The following PCDHGB6 variants were observed in gnomAD, a reference collection of about 807,000 sequenced individuals.
PCDHGB6 encodes protocadherin gamma subfamily B, 6, also known as protocadherin gamma-B6.
Under a neutral mutation model 59.1 loss-of-function variants are expected in PCDHGB6, and 51 were observed. That is an observed-to-expected ratio of 0.86 (90% CI 0.69 to 1.09). The LOEUF (loss-of-function observed/expected upper bound fraction) is 1.09, where lower values mean the gene tolerates loss of function less well. PCDHGB6 is among the 50% of genes least tolerant of loss of function. PCDHGB6 has a pLI of 0.00. For missense variants in PCDHGB6, 1,148 were observed against 1,205.1 expected, an observed-to-expected ratio of 0.95 and a Z score of 0.70; for synonymous variants, 466 against 495.1, an observed-to-expected ratio of 0.94 and a Z score of 0.78.
intron 1 of PCDHGB6, chr5:141,478,463 G>A: frequency 6.2e-7 from 1 of 1,613,424 alleles, no homozygotes; most frequent in South Asian, 1.1e-5. Context: ...CAGTCCACTG[G>A]CCAGCCGCCA....
intron 1 of PCDHGB6, among the ~76,000 whole-genome samples, chr5:141,449,134 T>C (rs538592980): frequency 9.2e-4 from 140 of 152,242 alleles, no homozygotes; most frequent in Non-Finnish European, 1.8e-3. Context: ...AGAAATGGAA[T>C]TGAAATTGCT....
rs560197175 is a variant in PCDHGB6, at chr5:141,434,430, G to A, written c.2418+23810G>A. Among the ~76,000 whole-genome samples the A allele has an allele frequency of 2.4e-4, 36 of 152,326 alleles. 1 individual carries two copies. In the South Asian group the frequency reaches 6.4e-3, roughly 27 times the overall value. On this transcript the variant is annotated intron_variant, in intron 1 of 3. Coordinates refer to ENST00000520790, the MANE Select transcript of PCDHGB6 (RefSeq NM_018926.3). ...GCACTGTGACATGTTCATGATGGCC[G>A]TAATGCCCATGCTGGAAGGTAGTGG...
At chr5:141,452,003 T>C (rs1031228207) in intron 1 of PCDHGB6, among the ~76,000 whole-genome samples, 2 of 152,210 alleles carry the variant, frequency 1.3e-5, no homozygotes, top group Non-Finnish European at 2.9e-5. Context: ...CAAAATCACT[T>C]GGTCCAGCCC....
intron 1 of PCDHGB6, chr5:141,441,971 G>A: frequency 3.3e-6 from 1 of 298,820 alleles, no homozygotes; most frequent in Non-Finnish European, 6.5e-6. Flanking sequence ...AGGCTCTTCA[G>A]CCTGGAATGC....
At chr5:141,498,361 T>C (rs1256361883) in intron 2 of PCDHGB6, among the ~76,000 whole-genome samples, 1 of 151,460 alleles carries the variant, frequency 6.6e-6, no homozygotes, top group African/African-American at 2.4e-5. Flanking sequence ...GCAAAAGCCT[T>C]GTGGTGAGGC....
rs755091342 is a variant in PCDHGB6, at chr5:141,408,288, T to C, written c.86T>C (p.Leu29Pro). ...CTGCTGCCTTTGTTCTACCCCACCC[T>C]GAGTGAGCCGATCCGCTACTCGATT... Reference protein sequence around the residue: ...PLLLPLFYPTLSEPIRYSIPE... With the variant: ...PLLLPLFYPTPSEPIRYSIPE... Residue 29 changes from leucine to proline, a missense_variant, in exon 1 of 4, where the codon CTG (leucine) becomes CCG (proline). Transcript: ENST00000520790. 1 of 1,613,234 alleles carries C rather than the reference T, an allele frequency of 6.2e-7. No homozygotes were observed. Among genetic ancestry groups the C allele is most frequent in the Non-Finnish European group, 8.5e-7 (1 of 1,179,506 alleles).
In PCDHGB6 at chr5:141,432,293, G is replaced by T. The variant is rs765631138; in HGVS notation, c.2418+21673G>T. ...CTACGTGTCCATCAACTCCGACACT[G>T]GGGTACTGTATGCGCTGAGCTCCTT... On this transcript the variant is annotated intron_variant, in intron 1 of 3. Coordinates refer to ENST00000520790, the MANE Select transcript of PCDHGB6 (RefSeq NM_018926.3). The surrounding 1 kb of genome is among the most constrained non-coding windows in gnomAD (Gnocchi z 6.0). 1.2e-6 allele frequency: 2 copies of T among 1,614,136 alleles called. No individual in the cohort carries two copies. Among genetic ancestry groups the T allele is most frequent in the African/African-American group, 1.3e-5 (1 of 74,950 alleles).
chr5:141,428,658 T>C (rs932328483), intron 1 of PCDHGB6: 1 of 165,620 alleles, frequency 6.0e-6, no homozygotes, highest in Non-Finnish European at 1.3e-5. Context: ...TGAGTTCCAA[T>C]GAATGTCTTT....
Position 141,409,747 on chromosome 5 carries a change from C to T in PCDHGB6, c.1545C>T (p.Phe515=), listed in dbSNP as rs771456718. 1.2e-6 allele frequency: 2 copies of T among 1,612,994 alleles called. No homozygotes were observed. Among genetic ancestry groups the T allele is most frequent in the East Asian group, 2.2e-5 (1 of 44,872 alleles). Residue 515 remains phenylalanine (F), a synonymous_variant, in exon 1 of 4, where the codon TTC becomes TTT. Coordinates refer to ENST00000520790, the MANE Select transcript of PCDHGB6 (RefSeq NM_018926.3). ...TGAGCGCGCAGAGCGGGGTGGTGTTCGCGCAGCGCGCCTTTGATCACGAGC... is the reference window on the plus strand; with the variant it reads ...TGAGCGCGCAGAGCGGGGTGGTGTTTGCGCAGCGCGCCTTTGATCACGAGC... ...VSVSAQSGVV[F]AQRAFDHEQL... is the part of the protein sequence containing the mutation.
intron 1 of PCDHGB6, among the ~76,000 whole-genome samples, chr5:141,459,968 C>T (rs1260233942): frequency 1.3e-5 from 2 of 152,190 alleles, no homozygotes; most frequent in East Asian, 3.8e-4. Context: ...ATCCCAGCTA[C>T]TCAGGAGGCT....
intron 1 of PCDHGB6, among the ~76,000 whole-genome samples, chr5:141,456,985 A>C (rs2098902590): frequency 6.6e-6 from 1 of 152,204 alleles, no homozygotes; most frequent in Non-Finnish European, 1.5e-5. Context: ...ACAAACAAAC[A>C]AACAAAAACT....
At chr5:141,451,957 A>C (rs1019378263) in intron 1 of PCDHGB6, among the ~76,000 whole-genome samples, 3 of 152,202 alleles carry the variant, frequency 2.0e-5, no homozygotes, top group African/African-American at 7.2e-5. Context: ...AGAAAGTGAC[A>C]TACCATCATT....
intron 1 of PCDHGB6, chr5:141,433,047 C>G: frequency 1.9e-6 from 3 of 1,614,164 alleles, no homozygotes; most frequent in Non-Finnish European, 2.5e-6. Context: ...ACCACGGACT[C>G]GCGGAAGAGT....
In PCDHGB6 at chr5:141,408,872, G is replaced by T. The variant is rs752537671; in HGVS notation, c.670G>T (p.Ala224Ser). 3.1e-6 allele frequency: 5 copies of T among 1,613,448 alleles called. No individual in the cohort carries two copies. The highest frequency in any genetic ancestry group is 4.2e-6 in the Non-Finnish European group (5 of 1,179,760). Reference sequence around the variant, plus strand: ...GGACGGAGGGGACCCACCAAGAAGTGCCACCGCTCACATAGAAATTTCTGT... The same window carrying T: ...GGACGGAGGGGACCCACCAAGAAGTTCCACCGCTCACATAGAAATTTCTGT... Reference protein sequence around the residue: ...ALDGGDPPRSATAHIEISVKD... With the variant: ...ALDGGDPPRSSTAHIEISVKD... Residue 224 changes from alanine to serine, a missense_variant, in exon 1 of 4, where the codon GCC becomes TCC. Transcript: ENST00000520790.
At chr5:141,421,423 C>T in intron 1 of PCDHGB6, 1 of 1,614,052 alleles carries the variant, frequency 6.2e-7, no homozygotes, top group Non-Finnish European at 8.5e-7. Context: ...GCGCGGAGTC[C>T]GCATCGTCTC....
chr5:141,478,521 G>A, intron 1 of PCDHGB6: 1 of 1,610,618 alleles, frequency 6.2e-7, no homozygotes, highest in Non-Finnish European at 8.5e-7. Context: ...CAGGTGTTGG[G>A]TGCAGAGAGC....
In PCDHGB6 at chr5:141,489,561, G is replaced by A. The variant is rs1750812409; in HGVS notation, c.2419-5246G>A. 6.2e-7 allele frequency: 1 copy of A among 1,614,106 alleles called. No homozygotes were observed. Among genetic ancestry groups the A allele is most frequent in the Non-Finnish European group, 8.5e-7 (1 of 1,180,026 alleles). On this transcript the variant is annotated intron_variant, in intron 1 of 3. Coordinates refer to ENST00000520790, the MANE Select transcript of PCDHGB6 (RefSeq NM_018926.3). The surrounding 1 kb of genome is among the most constrained non-coding windows in gnomAD (Gnocchi z 4.5). Reference sequence around the variant, plus strand: ...GCACCAGCTGCCTGCTGCCAGTGCAGGTGGTGACTGAACACCCCCTGGAGC... The same window carrying A: ...GCACCAGCTGCCTGCTGCCAGTGCAAGTGGTGACTGAACACCCCCTGGAGC...
At chr5:141,471,095 C>T (rs1266802067) in intron 1 of PCDHGB6, among the ~76,000 whole-genome samples, 1 of 144,764 alleles carries the variant, frequency 6.9e-6, no homozygotes, top group East Asian at 2.0e-4. Context: ...GTTGTCCAGG[C>T]TAGAGTGCAG....
rs771411620 is a variant in PCDHGB6, at chr5:141,485,551, G to A, written c.2419-9256G>A. ...GAGCAGAGGTAGAGATCGTAGATGT[G>A]AATGATCACGCCCCCCGTTTTCCGC... On this transcript the variant is annotated intron_variant, in intron 1 of 3. Transcript: ENST00000520790. This position sits in a 1 kb window ranked among gnomAD's most constrained non-coding sequence, Gnocchi z 5.7. 1.9e-6 allele frequency: 3 copies of A among 1,613,958 alleles called. No individual in the cohort carries two copies. Among genetic ancestry groups the A allele is most frequent in the Admixed American group, 1.7e-5 (1 of 60,006 alleles).
Sources: allele counts gnomAD v4.1 joint callset (sites outside exome capture counted in the v4.1 genomes callset), GRCh38; gene constraint gnomAD v4.1.1; non-coding constraint Gnocchi (gnomAD v3.1); transcripts MANE v1.5; gene names NCBI Gene and HGNC (gene_info 2026-07-23, HGNC 2026-07-21).